Variants in SHTN1 observed in about 807,000 individuals in gnomAD.
SHTN1 encodes shootin 1.
A neutral mutation model predicts 83.1 loss-of-function variants in SHTN1; 42 were observed. The ratio of observed to expected loss-of-function variants is 0.51; its 90% confidence interval spans 0.39 to 0.65. The LOEUF is 0.65. Among genes scored for constraint, SHTN1 ranks in the 30% least tolerant of loss-of-function variants. The pLI, the probability that SHTN1 is intolerant of heterozygous loss-of-function variation, is 0.00. For synonymous variants in SHTN1, 224 were observed against 247.7 expected, an observed-to-expected ratio of 0.90 and a Z score of 0.90; for missense variants, 622 against 737.8, an observed-to-expected ratio of 0.84 and a Z score of 1.82.
chr10:117,078,189 G>A (rs1214177264), intron 1 of SHTN1, among the ~76,000 whole-genome samples: 4 of 152,168 alleles, frequency 2.6e-5, no homozygotes, highest in Admixed American at 6.5e-5. Flanking sequence ...CCTGAAGCAC[G>A]TCTTTGAAGA....
chr10:116,936,474 C>T (rs762902111), intron 9 of SHTN1, among the ~76,000 whole-genome samples: 2 of 152,130 alleles, frequency 1.3e-5, no homozygotes, highest in Non-Finnish European at 2.9e-5. Context: ...GATAGTTATG[C>T]AGTTTTGAGT....
intron 2 of SHTN1, among the ~76,000 whole-genome samples, chr10:116,970,379 A>C (rs958061034): frequency 3.3e-5 from 5 of 152,214 alleles, no homozygotes; most frequent in Non-Finnish European, 7.3e-5. Context: ...ACTACAGAGC[A>C]GTGAAAATGA....
intron 1 of SHTN1, among the ~76,000 whole-genome samples, chr10:116,987,735 T>C (rs1851267749): frequency 6.6e-6 from 1 of 151,850 alleles, no homozygotes; most frequent in Non-Finnish European, 1.5e-5. Flanking sequence ...GCCAACATAG[T>C]GAAACCCCGT....
intron 1 of SHTN1, among the ~76,000 whole-genome samples, chr10:117,074,146 C>CT (rs1305345140): frequency 1.3e-5 from 2 of 152,118 alleles, no homozygotes; most frequent in African/African-American, 4.8e-5. Context: ...TACATCCTAT[C>CT]TTTTCATTAG....
At chr10:117,094,740 G>A (rs1396467695) in intron 1 of SHTN1, among the ~76,000 whole-genome samples, 3 of 152,152 alleles carry the variant, frequency 2.0e-5, no homozygotes, top group Admixed American at 6.5e-5. Flanking sequence ...TATTAATTCT[G>A]ATAAGAATTA....
At chr10:116,930,259 G>A (rs1318228227) in intron 9 of SHTN1, among the ~76,000 whole-genome samples, 3 of 152,004 alleles carry the variant, frequency 2.0e-5, no homozygotes, top group African/African-American at 7.2e-5. Context: ...TTTTAGGTTC[G>A]GGGTACATGT....
At chr10:116,899,544 TGTGAGAGA>T (rs1247755341) in intron 16 of SHTN1, among the ~76,000 whole-genome samples, 14 of 99,264 alleles carry the variant, frequency 1.4e-4, no homozygotes, top group South Asian at 1.1e-3. Context: ...TGTGTGTGTG[TGTGAGAGA>T]GTGCATGCAT....
Position 116,911,771 on chromosome 10 carries a change from A to C in SHTN1, c.1359+19T>G, listed in dbSNP as rs1848210173. 1 of 1,603,622 alleles carries C rather than the reference A, an allele frequency of 6.2e-7. No individual in the cohort carries two copies. Among genetic ancestry groups the C allele is most frequent in the African/African-American group, 1.3e-5 (1 of 74,626 alleles). On this transcript the variant is annotated intron_variant, in intron 14 of 16. Coordinates refer to ENST00000355371, the MANE Select transcript of SHTN1 (RefSeq NM_001127211.3). Reference sequence around the variant, plus strand: ...TCATTTCCCCATTAGCTAAACAATAAACTGAAATCTATTCTTACCAGTATT... The same window carrying C: ...TCATTTCCCCATTAGCTAAACAATACACTGAAATCTATTCTTACCAGTATT...
chr10:116,950,640 G>T (rs1306776667), intron 6 of SHTN1, among the ~76,000 whole-genome samples: 1 of 152,148 alleles, frequency 6.6e-6, no homozygotes, highest in Non-Finnish European at 1.5e-5. Context: ...CCTGAAAGTG[G>T]CTCTGAATCC....
At chr10:117,092,878 A>G (rs982378256) in intron 1 of SHTN1, among the ~76,000 whole-genome samples, 2 of 152,204 alleles carry the variant, frequency 1.3e-5, no homozygotes, top group Non-Finnish European at 2.9e-5. Flanking sequence ...CAGCTCATAG[A>G]TAAGAAATGC....
intron 9 of SHTN1, among the ~76,000 whole-genome samples, chr10:116,935,793 C>T (rs1012530064): frequency 1.3e-5 from 2 of 151,876 alleles, no homozygotes; most frequent in Non-Finnish European, 2.9e-5. Flanking sequence ...TCCATCTGAT[C>T]CTGGGCTTTT....
chr10:117,030,510 T>A (rs1305806723), intron 2 of SHTN1, among the ~76,000 whole-genome samples: 1 of 152,064 alleles, frequency 6.6e-6, no homozygotes, highest in Non-Finnish European at 1.5e-5. Context: ...ATGAACTAAA[T>A]AATGCACCAG....
At chr10:116,949,067 TACTC>T in intron 6 of SHTN1, 70 bp from the exon 7 acceptor site, 1 of 1,389,398 alleles carries the variant, frequency 7.2e-7, no homozygotes, top group African/African-American at 1.5e-5. Context: ...CAATGTGTGA[TACTC>T]AATTGCTGTT....
chr10:117,085,944 G>T (rs1204310911), intron 1 of SHTN1, among the ~76,000 whole-genome samples: 2 of 108,278 alleles, frequency 1.8e-5, no homozygotes, highest in Non-Finnish European at 3.6e-5. Flanking sequence ...TTTTTGAGAC[G>T]GAGTCTCGCT....
chr10:116,960,227 G>T lies in SHTN1; in HGVS notation c.176C>A (p.Ser59Tyr). 1 of 1,573,330 alleles carries T rather than the reference G, an allele frequency of 6.4e-7. No homozygotes were observed. Among genetic ancestry groups the T allele is most frequent in the South Asian group, 1.1e-5 (1 of 89,742 alleles). ...VKKLEEFQKI[S>Y]HMVIEEVNFM... ...ATTAACTTCCTCTATGACCATGTGA[G>T]AAACTAGGAATGAGGGGGAAAAAAA... The change falls in exon 4 of 17, where the codon TCT becomes TAT. Residue 59 changes from serine (S) to tyrosine (Y), a missense_variant. By Grantham distance (144) the Ser-to-Tyr change is moderately radical (BLOSUM62 -2). This residue lies in a region of SHTN1 where 383 missense variants were observed against 455.8 expected (regional missense o/e 0.84). Coordinates refer to ENST00000355371, the MANE Select transcript of SHTN1 (RefSeq NM_001127211.3).
chr10:116,929,815 T>C (rs1251736276), intron 10 of SHTN1, 34 bp downstream of exon 10: 2 of 1,500,480 alleles, frequency 1.3e-6, no homozygotes, highest in African/African-American at 1.4e-5. Flanking sequence ...CAAAGATTAA[T>C]AGTAAGACAT....
intron 4 of SHTN1, among the ~76,000 whole-genome samples, chr10:116,954,789 T>C (rs149223644): frequency 1.1e-4 from 17 of 152,310 alleles, no homozygotes; most frequent in Admixed American, 7.2e-4. Context: ...AATGAGTTTC[T>C]TTCCATGTGC....
chr10:117,004,579 A>G (rs1051786662), intron 1 of SHTN1, among the ~76,000 whole-genome samples: 1 of 152,190 alleles, frequency 6.6e-6, no homozygotes, highest in Non-Finnish European at 1.5e-5. Flanking sequence ...AAAGCTGGGA[A>G]GGGTGTGAAA....
chr10:116,961,426 C>T (rs1270164690), intron 3 of SHTN1, among the ~76,000 whole-genome samples: 1 of 151,938 alleles, frequency 6.6e-6, no homozygotes, highest in Admixed American at 6.6e-5. Context: ...CAAATGCAGG[C>T]CAACCAAAAA....
Sources: allele counts gnomAD v4.1 joint callset (sites outside exome capture counted in the v4.1 genomes callset), GRCh38; gene constraint gnomAD v4.1.1; regional missense constraint gnomAD v4.1.1; transcripts MANE v1.5; gene names NCBI Gene and HGNC (gene_info 2026-07-23, HGNC 2026-07-21).